The following FSIP1 variants were observed in gnomAD, a reference collection of about 807,000 sequenced individuals.
The protein encoded by FSIP1 is fibrous sheath interacting protein 1, also known as fibrous sheath-interacting protein 1.
Under a neutral mutation model 60.9 loss-of-function variants are expected in FSIP1, and 65 were observed. The ratio of observed to expected loss-of-function variants is 1.07; its 90% CI spans 0.87 to 1.31. The LOEUF is 1.31. Among genes scored for constraint, FSIP1 ranks in the 40% most tolerant of loss-of-function variants. FSIP1 has a pLI of 0.00. For synonymous variants in FSIP1, 209 were observed against 221.2 expected (o/e 0.94, Z 0.49); for missense variants, 675 against 665.5 (o/e 1.01, Z -0.16).
At chr15:39,608,427 C>G (rs1238737408) in intron 11 of FSIP1, among the ~76,000 whole-genome samples, 1 of 152,122 alleles carries the variant, frequency 6.6e-6, no homozygotes, top group Admixed American at 6.5e-5. Context: ...CTTTTCTAAA[C>G]CCCCCTATAT....
chr15:39,603,346 C>G (rs901554135), intron 11 of FSIP1, among the ~76,000 whole-genome samples: 1 of 152,152 alleles, frequency 6.6e-6, no homozygotes, highest in Non-Finnish European at 1.5e-5. Flanking sequence ...GAACCCACCC[C>G]TAGAAATTGA....
intron 10 of FSIP1, among the ~76,000 whole-genome samples, chr15:39,708,567 A>C (rs1895371824): frequency 6.6e-6 from 1 of 152,064 alleles, no homozygotes; most frequent in African/African-American, 2.4e-5. Context: ...TGATTTTTCT[A>C]CCAAACCACT....
intron 10 of FSIP1, among the ~76,000 whole-genome samples, chr15:39,680,659 A>G (rs1002845806): frequency 1.3e-5 from 2 of 152,226 alleles, no homozygotes; most frequent in Non-Finnish European, 2.9e-5. Context: ...AACCACAGTC[A>G]GGCCTGGACC....
At position 39,769,196 on chromosome 15, in the gene FSIP1, G is replaced by A. The variant is rs186814765; in HGVS notation, c.310+1231C>T. Among the ~76,000 whole-genome samples, 438 of 151,330 alleles carry A rather than the reference G, an allele frequency of 2.9e-3. 2 individuals carry two copies. The highest frequency in any genetic ancestry group is 9.8e-3 in the African/African-American group (403 of 41,250). On this transcript the variant is annotated intron_variant, in intron 3 of 11. Transcript: ENST00000350221. ...CGGGAGGCTGAGGCAGGAGAATGGC[G>A]TGAACCCGGGAGGCAGAGCTTGCAG...
At chr15:39,742,715 C>T (rs1304317315) in intron 5 of FSIP1, among the ~76,000 whole-genome samples, 1 of 152,150 alleles carries the variant, frequency 6.6e-6, no homozygotes, top group Non-Finnish European at 1.5e-5. Context: ...AGGAAGCAGG[C>T]AGAAGATACA....
rs372148357 is a variant in FSIP1 at position 39,713,592 on chromosome 15, G to GAAA, written c.1051-14_1051-12dup. ...ATCACGGTCAGGTTTCTAATTTAAA[G>GAAA]AAAAAAAAAAAACATCATTCACAGG... is the stretch of plus-strand genomic sequence containing the variant. On this transcript the variant is annotated splice_polypyrimidine_tract_variant and intron_variant, in intron 9 of 11. Transcript: ENST00000350221. The GAAA allele has an allele frequency of 1.1e-5, 15 of 1,323,512 alleles. No homozygotes were observed. Among genetic ancestry groups the GAAA allele is most frequent in the Admixed American group, 5.0e-5 (2 of 40,148 alleles). 82.0% of individuals were successfully genotyped at this position (1,323,512 alleles called of 1,614,324 possible).
At chr15:39,752,697 A>C (rs1434039992) in intron 5 of FSIP1, among the ~76,000 whole-genome samples, 1 of 151,996 alleles carries the variant, frequency 6.6e-6, no homozygotes, top group Non-Finnish European at 1.5e-5. Flanking sequence ...TAGACTGAGG[A>C]GGCATGAGGG....
At chr15:39,691,810 G>C (rs1179157966) in intron 10 of FSIP1, among the ~76,000 whole-genome samples, 1 of 152,162 alleles carries the variant, frequency 6.6e-6, no homozygotes, top group Non-Finnish European at 1.5e-5. Context: ...CCAGTTACCA[G>C]GGGGACAGTC....
chr15:39,663,320 A>G (rs1244419036), intron 10 of FSIP1, among the ~76,000 whole-genome samples: 4 of 152,204 alleles, frequency 2.6e-5, no homozygotes, highest in Non-Finnish European at 4.4e-5. Context: ...CAAATAATTG[A>G]TATCACAAGG....
At chr15:39,762,413 T>C (rs1205999914) in intron 5 of FSIP1, among the ~76,000 whole-genome samples, 1 of 152,200 alleles carries the variant, frequency 6.6e-6, no homozygotes, top group African/African-American at 2.4e-5. Flanking sequence ...TCCTCTCCTC[T>C]TTTTTAAAGG....
intron 10 of FSIP1, among the ~76,000 whole-genome samples, chr15:39,644,258 G>C (rs1892495563): frequency 6.6e-6 from 1 of 152,152 alleles, no homozygotes; most frequent in African/African-American, 2.4e-5. Context: ...CTCGCTACAG[G>C]AAAATGCATT....
At chr15:39,620,371 C>A (rs1891395334) in intron 10 of FSIP1, among the ~76,000 whole-genome samples, 1 of 151,876 alleles carries the variant, frequency 6.6e-6, no homozygotes, top group Non-Finnish European at 1.5e-5. Flanking sequence ...TATATAATGT[C>A]TAAAACTAAT....
At chr15:39,758,793 T>C (rs1897386386) in intron 5 of FSIP1, among the ~76,000 whole-genome samples, 1 of 152,024 alleles carries the variant, frequency 6.6e-6, no homozygotes, top group Non-Finnish European at 1.5e-5. Context: ...TAAAATATAT[T>C]ACAAAGACAC....
intron 5 of FSIP1, among the ~76,000 whole-genome samples, chr15:39,758,571 T>C (rs754509924): frequency 6.6e-6 from 1 of 152,170 alleles, no homozygotes; most frequent in African/African-American, 2.4e-5. Flanking sequence ...CTGATAAACA[T>C]TGAATGAAAT....
At chr15:39,684,332 G>C (rs927203953) in intron 10 of FSIP1, among the ~76,000 whole-genome samples, 4 of 152,008 alleles carry the variant, frequency 2.6e-5, no homozygotes, top group Non-Finnish European at 5.9e-5. Flanking sequence ...GGTCACTGAG[G>C]CACATGCGGA....
At chr15:39,686,304 T>A (rs1894370891) in intron 10 of FSIP1, among the ~76,000 whole-genome samples, 1 of 152,184 alleles carries the variant, frequency 6.6e-6, no homozygotes, top group Admixed American at 6.5e-5. Flanking sequence ...CAGTATAAAA[T>A]TCAAACCCAG....
intron 9 of FSIP1, among the ~76,000 whole-genome samples, chr15:39,717,172 T>C (rs562057562): frequency 6.6e-6 from 1 of 152,294 alleles, no homozygotes; most frequent in East Asian, 1.9e-4. Context: ...TCAACTCCTA[T>C]GAATTTATCA....
At chr15:39,724,199 G>T (rs1456140561) in intron 9 of FSIP1, among the ~76,000 whole-genome samples, 1 of 151,238 alleles carries the variant, frequency 6.6e-6, no homozygotes, top group Non-Finnish European at 1.5e-5. Context: ...AACCATAAAT[G>T]TGAACTCTGA....
intron 2 of FSIP1, among the ~76,000 whole-genome samples, chr15:39,771,207 A>G (rs1897874996): frequency 6.6e-6 from 1 of 152,202 alleles, no homozygotes; most frequent in South Asian, 2.1e-4. Flanking sequence ...CGGGTGAGGG[A>G]AAAGCAGGGA....
Sources: allele counts gnomAD v4.1 joint callset (sites outside exome capture counted in the v4.1 genomes callset), GRCh38; gene constraint gnomAD v4.1.1; transcripts MANE v1.5; gene names NCBI Gene and HGNC (gene_info 2026-07-23, HGNC 2026-07-21).